Variants in POLA2 observed in about 807,000 individuals in gnomAD.
The protein encoded by POLA2 is DNA polymerase alpha subunit B.
POLA2 carries 47 observed loss-of-function variants against 82.8 expected under a neutral mutation model. The observed-to-expected ratio is 0.57, with a 90% CI of 0.45 to 0.72. The LOEUF is 0.72. Ranked by LOEUF, POLA2 falls within the 30% of genes least tolerant of loss-of-function variation. The pLI is 0.00. For synonymous variants in POLA2, 287 were observed against 286.8 expected (o/e 1.00, Z -0.01); for missense variants, 634 against 728.1 (o/e 0.87, Z 1.49).
intron 13 of POLA2, among the ~76,000 whole-genome samples, chr11:65,290,561 A>G (rs564850340): frequency 4.1e-4 from 62 of 152,260 alleles, no homozygotes; most frequent in Non-Finnish European, 8.1e-4. Context: ...GGCAGTTCCT[A>G]TTCTTTCCTT....
intron 10 of POLA2, among the ~76,000 whole-genome samples, chr11:65,284,779 G>A (rs1262532612): frequency 6.6e-6 from 1 of 151,832 alleles, no homozygotes; most frequent in African/African-American, 2.4e-5. Flanking sequence ...TGCCCGCCTC[G>A]GCCTCCCAAA....
At position 65,281,692 on chromosome 11, in the gene POLA2, A is replaced by G; in HGVS notation, c.923A>G (p.Asn308Ser). 6.2e-7 allele frequency: 1 copy of G among 1,613,988 alleles called. No homozygotes were observed. The highest frequency in any genetic ancestry group is 1.1e-5 in the South Asian group (1 of 91,074). ...CAGGTTGTAATTATGGAAGGAATCA[A>G]CACCACTGGTAGGAAACTTGTTGCC... ...PGQVVIMEGI[N>S]TTGRKLVATK... The change falls in exon 9 of 18, where the codon AAC becomes AGC. Residue 308 changes from asparagine (N) to serine (S), a missense_variant. By Grantham distance (46) the Asn-to-Ser change is conservative (BLOSUM62 1). Transcript: ENST00000265465.
chr11:65,297,089 C>A (rs1396868940), intron 17 of POLA2, 31 bp from the exon 18 acceptor site: 4 of 1,613,146 alleles, frequency 2.5e-6, no homozygotes, highest in Non-Finnish European at 3.4e-6. Flanking sequence ...TTGAGGCTCT[C>A]CAAACCTGTC....
At chr11:65,303,119 G>A (rs879869064), downstream of POLA2, among the ~76,000 whole-genome samples, 1 of 152,008 alleles carries the variant, frequency 6.6e-6, no homozygotes, top group Non-Finnish European at 1.5e-5. Flanking sequence ...GAGGCGGGTG[G>A]ATCATGAGGT....
At chr11:65,300,881 C>T (rs903427778), downstream of POLA2, among the ~76,000 whole-genome samples, 2 of 152,242 alleles carry the variant, frequency 1.3e-5, no homozygotes, top group African/African-American at 4.8e-5. Flanking sequence ...TGCACCCGGC[C>T]TGTCAGGTTT....
chr11:65,296,082 A>T (rs626555), intron 17 of POLA2, 92 bp downstream of exon 17: 231,696 of 1,429,526 alleles, frequency 0.16, 22,417 homozygotes, highest in African/African-American at 0.44. Flanking sequence ...CTCATGGGTC[A>T]GCTGATGGGG....
rs1237519299 is a variant in POLA2 at position 65,294,240 on chromosome 11, T to C, written c.1332T>C (p.Asp444=). ...VYPQPPFSYS[D]LSREDKKQVQ... ...CCCAGCCGCCTTTCAGCTACTCCGA[T>C]CTGTCTCGAGAGGACAAAAAGGTAG... Residue 444 remains aspartate (D), a synonymous_variant, in exon 14 of 18, where the codon GAT becomes GAC. Transcript: ENST00000265465. The C allele has an allele frequency of 1.2e-6, 2 of 1,614,068 alleles. No individual in the cohort carries two copies. Among genetic ancestry groups the C allele is most frequent in the Non-Finnish European group, 1.7e-6 (2 of 1,179,938 alleles).
chr11:65,271,838 GAAAA>G (rs1213411869), intron 4 of POLA2, among the ~76,000 whole-genome samples: 1 of 83,340 alleles, frequency 1.2e-5, no homozygotes, highest in Admixed American at 1.4e-4. Context: ...GACTCCGTCT[GAAAA>G]AAAAAAAAAA....
intron 1 of POLA2, among the ~76,000 whole-genome samples, chr11:65,265,074 C>T (rs965741318): frequency 2.0e-5 from 3 of 152,130 alleles, no homozygotes; most frequent in Admixed American, 2.0e-4. Flanking sequence ...ACTTAAAATA[C>T]AAAAATTAGC....
chr11:65,275,366 CAAAAA>C (rs760641138), intron 4 of POLA2, among the ~76,000 whole-genome samples: 3 of 85,794 alleles, frequency 3.5e-5, no homozygotes, highest in Non-Finnish European at 2.6e-5. Context: ...GTTGATGAGT[CAAAAA>C]AAAAAAAAAA....
At chr11:65,289,974 C>A (rs1402402294) in intron 13 of POLA2, 102 bp downstream of exon 13, 2 of 725,864 alleles carry the variant, frequency 2.8e-6, no homozygotes, top group Non-Finnish European at 4.8e-6. Flanking sequence ...CAGGGCCAGG[C>A]TCAGTGGATC....
chr11:65,275,294 G>A (rs1430870455), intron 4 of POLA2, among the ~76,000 whole-genome samples: 1 of 151,654 alleles, frequency 6.6e-6, no homozygotes, highest in Non-Finnish European at 1.5e-5. Flanking sequence ...TAGACTTTAG[G>A]GAGCAATAGG....
intron 4 of POLA2, among the ~76,000 whole-genome samples, chr11:65,272,277 T>A (rs1187065801): frequency 6.6e-6 from 1 of 151,878 alleles, no homozygotes; most frequent in Non-Finnish European, 1.5e-5. Context: ...CCATTGCACT[T>A]CAGCCTGGGC....
chr11:65,282,686 A>T (rs1160037505), intron 10 of POLA2, among the ~76,000 whole-genome samples, 165 bp downstream of exon 10: 1 of 151,928 alleles, frequency 6.6e-6, no homozygotes, highest in Non-Finnish European at 1.5e-5. Flanking sequence ...TTGTCACAAG[A>T]CCCCTGGTCT....
At chr11:65,290,138 C>T (rs780148754) in intron 13 of POLA2, among the ~76,000 whole-genome samples, 8 of 151,172 alleles carry the variant, frequency 5.3e-5, no homozygotes, top group Non-Finnish European at 1.0e-4. Context: ...ATCCCAGCTA[C>T]TTGGGAGGCT....
chr11:65,267,624 T>C (rs1949475591), intron 3 of POLA2, 56 bp downstream of exon 3: 3 of 1,168,698 alleles, frequency 2.6e-6, no homozygotes, highest in Admixed American at 2.1e-5. Flanking sequence ...TTTTATAATT[T>C]GTCTGTAGTC....
chr11:65,277,179 CTTT>C (rs533891221), intron 5 of POLA2, among the ~76,000 whole-genome samples: 2 of 124,372 alleles, frequency 1.6e-5, no homozygotes. Flanking sequence ...TCTTTTCTTT[CTTT>C]TTTTTTTTTT....
At chr11:65,292,094 CCAGA>C (rs1949761151) in intron 13 of POLA2, among the ~76,000 whole-genome samples, 1 of 152,124 alleles carries the variant, frequency 6.6e-6, no homozygotes, top group East Asian at 1.9e-4. Context: ...CAAAAATTAG[CCAGA>C]TGTGGTGGTG....
At chr11:65,266,462 C>A in intron 1 of POLA2, 120 bp from the exon 2 acceptor site, 1 of 1,003,414 alleles carries the variant, frequency 1.0e-6, no homozygotes, top group Non-Finnish European at 1.5e-6. Context: ...CAAAACAGTG[C>A]CTGGCACTAA....
Sources: gnomAD v4.1 joint callset for allele counts (sites outside exome capture counted in the v4.1 genomes callset) on GRCh38, gnomAD v4.1.1 for gene constraint, MANE v1.5 for transcripts, NCBI Gene and HGNC (gene_info 2026-07-23, HGNC 2026-07-21) for gene names.